Variants in LRIF1 observed in about 807,000 individuals in gnomAD.
LRIF1 encodes ligand dependent nuclear receptor interacting factor 1.
In LRIF1, 32 loss-of-function variants were observed where a neutral mutation model predicts 52.7. That is an observed-to-expected ratio of 0.61 (90% CI 0.46 to 0.82). LRIF1 has a LOEUF of 0.82. LRIF1 is among the 40% of genes least tolerant of loss of function. The pLI is 0.00. For synonymous variants in LRIF1, 323 were observed against 317.4 expected, an observed-to-expected ratio of 1.02 and a Z score of -0.19; for missense variants, 887 against 892.0, an observed-to-expected ratio of 0.99 and a Z score of 0.07.
the LRIF1 span, chr1:110,899,569 A>G: frequency 4.6e-5 from 9 of 193,612 alleles, no homozygotes; most frequent in Non-Finnish European, 8.6e-5. Flanking sequence ...AATAATGCCC[A>G]GTCTTCTCCC....
the LRIF1 span, among the ~76,000 whole-genome samples, chr1:110,901,334 C>A: frequency 2.0e-5 from 3 of 151,770 alleles, no homozygotes; most frequent in Admixed American, 2.0e-4. Context: ...CACGCCACCA[C>A]GCCTGGCTAA....
chr1:110,936,761 A>G, the LRIF1 span: 4 of 152,124 alleles, frequency 2.6e-5, no homozygotes, highest in Non-Finnish European at 4.4e-5. Context: ...TTGAATGTAA[A>G]TGGACTAAAC....
the LRIF1 span, among the ~76,000 whole-genome samples, chr1:110,879,120 A>G: frequency 1.3e-5 from 2 of 152,066 alleles, no homozygotes; most frequent in East Asian, 1.9e-4. Context: ...TGTATGTTTT[A>G]TTCCTAAAAA....
rs1191734876 is a variant in LRIF1 at position 110,951,457 on chromosome 1, G to A, written c.1427C>T (p.Pro476Leu). The A allele has an allele frequency of 1.2e-6, 2 of 1,613,950 alleles. No individual in the cohort carries two copies. Among genetic ancestry groups the A allele is most frequent in the Non-Finnish European group, 1.7e-6 (2 of 1,179,998 alleles). ...TGTACTAAATCCAACTGGAAAGATT[G>A]GATTTGTGAATAAAGTCTTACTCTG... ...LKQSKTLFTNPIFPVGFSTGH... is the reference protein window; with the variant it reads ...LKQSKTLFTNLIFPVGFSTGH... The change falls in exon 2 of 4, where the codon CCA becomes CTA. Residue 476 changes from proline (P) to leucine (L), a missense_variant. Physicochemically the swap from Pro to Leu is moderately conservative, Grantham distance 98. Coordinates refer to ENST00000369763, the MANE Select transcript of LRIF1 (RefSeq NM_018372.4).
At chr1:110,889,032 C>A in the LRIF1 span, among the ~76,000 whole-genome samples, 49 of 152,138 alleles carry the variant, frequency 3.2e-4, 1 homozygote, top group African/African-American at 1.2e-3. Context: ...ATTGATGTAG[C>A]TTGTGCAAAG....
the LRIF1 span, among the ~76,000 whole-genome samples, chr1:110,927,755 C>CA: frequency 2.6e-5 from 4 of 152,004 alleles, no homozygotes; most frequent in Non-Finnish European, 4.4e-5. Flanking sequence ...TAGAAATATA[C>CA]AAAAAAGTGA....
At chr1:110,896,827 T>C in the LRIF1 span, 33 of 1,051,512 alleles carry the variant, frequency 3.1e-5, no homozygotes, top group East Asian at 7.2e-5. Context: ...AGACCTTCTA[T>C]TGAGAAACAG....
At chr1:110,959,618 C>T (rs1304209452) in intron 1 of LRIF1, among the ~76,000 whole-genome samples, 2 of 151,308 alleles carry the variant, frequency 1.3e-5, no homozygotes, top group Non-Finnish European at 2.9e-5. Flanking sequence ...GGCGTGGTGG[C>T]ACACGCCTGT....
chr1:110,897,652 G>A, the LRIF1 span: 1 of 486,776 alleles, frequency 2.1e-6, no homozygotes. Flanking sequence ...CCCACCTTAT[G>A]CCTGTTTCTT....
chr1:110,960,249 T>C (rs1174800063), intron 1 of LRIF1, among the ~76,000 whole-genome samples: 1 of 152,094 alleles, frequency 6.6e-6, no homozygotes. Context: ...TATAACAGGG[T>C]CCAAAAAATT....
At chr1:110,933,903 G>T in the LRIF1 span, among the ~76,000 whole-genome samples, 1 of 152,124 alleles carries the variant, frequency 6.6e-6, no homozygotes, top group African/African-American at 2.4e-5. Flanking sequence ...ACCACAGGGT[G>T]CACAGATCAC....
At chr1:110,958,541 T>C (rs1171640226) in intron 1 of LRIF1, among the ~76,000 whole-genome samples, 1 of 152,170 alleles carries the variant, frequency 6.6e-6, no homozygotes, top group Non-Finnish European at 1.5e-5. Flanking sequence ...ATCCTTCCAA[T>C]ACCAAGCATA....
chr1:110,882,266 G>A, the LRIF1 span, among the ~76,000 whole-genome samples: 5 of 152,006 alleles, frequency 3.3e-5, no homozygotes, highest in Admixed American at 1.3e-4. Context: ...TTACGATTTC[G>A]TATGGAGAGA....
downstream of LRIF1, chr1:110,943,948 C>T (rs1570935104): frequency 6.6e-6 from 1 of 152,148 alleles, no homozygotes; most frequent in Admixed American, 6.5e-5. Context: ...CTTTGCTCAC[C>T]TTGAATCTCT....
chr1:110,947,770 C>A lies in LRIF1; in HGVS notation c.*189G>T, dbSNP rs898726011. 7 of 607,246 alleles carry A rather than the reference C, an allele frequency of 1.2e-5. No homozygotes were observed. Among genetic ancestry groups the A allele is most frequent in the Non-Finnish European group, 1.8e-5 (7 of 392,644 alleles). The allele number at this position is 607,246 out of a possible 1,614,324, so 37.6% of individuals were successfully genotyped here. ...GGTATCTAAGACAAAGGTATAGATA[C>A]CCCATGTAAATTATTCACAAGTCAT... On this transcript the variant is annotated 3_prime_UTR_variant, in exon 4 of 4. Coordinates refer to ENST00000369763, the MANE Select transcript of LRIF1 (RefSeq NM_018372.4).
downstream of LRIF1, among the ~76,000 whole-genome samples, chr1:110,945,336 T>C (rs566924357): frequency 3.3e-4 from 51 of 152,284 alleles, no homozygotes; most frequent in African/African-American, 1.2e-3. Context: ...TAGTTTTTAA[T>C]ATTTTGCTTG....
the LRIF1 span, among the ~76,000 whole-genome samples, chr1:110,893,827 G>A: frequency 6.6e-6 from 1 of 152,316 alleles, no homozygotes; most frequent in East Asian, 1.9e-4. Flanking sequence ...TGTGTTATTA[G>A]CATAAAAGGA....
At chr1:110,885,564 C>A in the LRIF1 span, among the ~76,000 whole-genome samples, 5 of 145,306 alleles carry the variant, frequency 3.4e-5, no homozygotes, top group Admixed American at 2.7e-4. Context: ...ACAACAACAA[C>A]AAAAAAAGAG....
chr1:110,899,915 TATCTC>T, the LRIF1 span: 7 of 152,556 alleles, frequency 4.6e-5, no homozygotes, highest in African/African-American at 1.7e-4. Context: ...AAAAGTTTAT[TATCTC>T]AATCACAACA....
Sources: gnomAD v4.1 joint callset for allele counts (sites outside exome capture counted in the v4.1 genomes callset) on GRCh38, gnomAD v4.1.1 for gene constraint, MANE v1.5 for transcripts, NCBI Gene and HGNC (gene_info 2026-07-23, HGNC 2026-07-21) for gene names.